The following CYP26B1 variants were observed in gnomAD, a reference collection of about 807,000 sequenced individuals.
CYP26B1 encodes the protein cytochrome P450 family 26 subfamily B member 1, also known as cytochrome P450 26B1.
A neutral mutation model predicts 39.1 loss-of-function variants in CYP26B1; 8 were observed. That is an observed-to-expected ratio of 0.20 (90% CI 0.12 to 0.37). The LOEUF is 0.37. Among genes scored for constraint, CYP26B1 ranks in the 10% least tolerant of loss-of-function variants. CYP26B1 has a pLI of 1.00. For synonymous variants in CYP26B1, 321 were observed against 314.3 expected (o/e 1.02, Z -0.23); for missense variants, 615 against 707.0 (o/e 0.87, Z 1.48).
rs532663733 is a variant in CYP26B1, at chr2:72,132,884, G to T, written c.1146+139C>A. On this transcript the variant is annotated intron_variant, in intron 5 of 5. Coordinates refer to ENST00000001146, the MANE Select transcript of CYP26B1 (RefSeq NM_019885.4). ...GCATTTGGGGCGCACTTCTCCCATC[G>T]GACTGAAAGCTCCCTGAAAGCAAGC... The T allele has an allele frequency of 3.5e-6, 5 of 1,443,058 alleles. No homozygotes were observed. In the Admixed American group the frequency reaches 9.9e-5, roughly 29 times the overall value. The allele number at this position is 1,443,058 out of a possible 1,614,324, so 89.4% of individuals were successfully genotyped here. A position where few individuals can be genotyped will look rare whatever the true frequency, so the allele number is the denominator to read the frequency against.
chr2:72,134,713 G>T, intron 4 of CYP26B1, 48 bp downstream of exon 4: 1 of 1,582,546 alleles, frequency 6.3e-7, no homozygotes, highest in South Asian at 1.1e-5. Flanking sequence ...AGCTCAGAAT[G>T]GAGCCTGGGT....
At chr2:72,138,276 C>A (rs548649431) in intron 2 of CYP26B1, among the ~76,000 whole-genome samples, 1 of 152,316 alleles carries the variant, frequency 6.6e-6, no homozygotes, top group East Asian at 1.9e-4. Flanking sequence ...AACACAGGCA[C>A]TTCCCAAAGC....
rs1193442473 is a variant in CYP26B1 at position 72,147,431 on chromosome 2, G to A, written c.204+200C>T. ...CCTCTTACCAGCCCCCTGAACCTGCGCCGCGGGCGCCAGTGGTCCCGGAAC... is the reference window on the plus strand; with the variant it reads ...CCTCTTACCAGCCCCCTGAACCTGCACCGCGGGCGCCAGTGGTCCCGGAAC... On this transcript the variant is annotated intron_variant, in intron 1 of 5. Transcript: ENST00000001146. This position sits in a 1 kb window ranked among gnomAD's most constrained non-coding sequence, Gnocchi z 6.1. Among the ~76,000 whole-genome samples, 2 of 152,200 alleles carry A rather than the reference G, an allele frequency of 1.3e-5. No homozygotes were observed. Among genetic ancestry groups the A allele is most frequent in the Admixed American group, 6.5e-5 (1 of 15,290 alleles).
rs143738797 is a variant in CYP26B1, at chr2:72,135,170, C to T, written c.679G>A (p.Asp227Asn). The T allele has an allele frequency of 4.8e-5, 78 of 1,613,814 alleles. No individual in the cohort carries two copies. Among genetic ancestry groups the T allele is most frequent in the African/African-American group, 1.5e-4 (11 of 74,916 alleles). Reference sequence around the variant, plus strand: ...CGCCGGTAGCCACTGAAGGGCAGGTCGACAGGCAGGGAGAAGACATTGTCC... The same window carrying T: ...CGCCGGTAGCCACTGAAGGGCAGGTTGACAGGCAGGGAGAAGACATTGTCC... Reference protein sequence around the residue: ...FVDNVFSLPVDLPFSGYRRGI... With the variant: ...FVDNVFSLPVNLPFSGYRRGI... The change falls in exon 3 of 6, where the codon GAC becomes AAC. Residue 227 changes from aspartate (D) to asparagine (N), a missense_variant. Physicochemically the swap from Asp to Asn is conservative, Grantham distance 23. Coordinates refer to ENST00000001146, the MANE Select transcript of CYP26B1 (RefSeq NM_019885.4).
intron 2 of CYP26B1, among the ~76,000 whole-genome samples, chr2:72,136,714 G>A (rs2104061140): frequency 6.6e-6 from 1 of 152,306 alleles, no homozygotes; most frequent in African/African-American, 2.4e-5. Context: ...GGGGTCCGAG[G>A]GAATTTCCAG....
At chr2:72,138,784 G>A (rs756624725) in intron 2 of CYP26B1, among the ~76,000 whole-genome samples, 1 of 152,144 alleles carries the variant, frequency 6.6e-6, no homozygotes, top group Non-Finnish European at 1.5e-5. Flanking sequence ...ATGGCCTTGG[G>A]CAACTCCCCT....
intron 2 of CYP26B1, among the ~76,000 whole-genome samples, chr2:72,136,330 G>A (rs556239740): frequency 2.2e-4 from 33 of 152,188 alleles, no homozygotes; most frequent in South Asian, 2.1e-3. Flanking sequence ...CACACGCGCC[G>A]CCCTCCCCTA....
intron 3 of CYP26B1, 56 bp from the exon 4 acceptor site, chr2:72,134,972 G>A (rs1012969340): frequency 1.9e-5 from 31 of 1,606,574 alleles, no homozygotes; most frequent in African/African-American, 1.2e-4. Context: ...TCTGAGCCTC[G>A]GGACCACCAG....
At chr2:72,141,839 C>T (rs1484372101) in intron 2 of CYP26B1, among the ~76,000 whole-genome samples, 1 of 152,186 alleles carries the variant, frequency 6.6e-6, no homozygotes, top group African/African-American at 2.4e-5. Flanking sequence ...GGGGAAGGAT[C>T]CTTTCATCTG....
chr2:72,132,679 C>T (rs1411702674), intron 5 of CYP26B1, 60 bp from the exon 6 acceptor site: 15 of 1,543,688 alleles, frequency 9.7e-6, no homozygotes, highest in African/African-American at 9.6e-5. Context: ...CACAGAGGGC[C>T]CAGGACTGCC....
At chr2:72,136,198 T>G (rs1676769917) in intron 2 of CYP26B1, among the ~76,000 whole-genome samples, 1 of 152,106 alleles carries the variant, frequency 6.6e-6, no homozygotes, top group Non-Finnish European at 1.5e-5. Context: ...AGCAGCAACG[T>G]CCATCCCACC....
intron 4 of CYP26B1, among the ~76,000 whole-genome samples, chr2:72,133,996 G>C (rs1676679870): frequency 6.6e-6 from 1 of 152,216 alleles, no homozygotes; most frequent in African/African-American, 2.4e-5. Context: ...TGGACTCTGG[G>C]CCCAGAGAGG....
At chr2:72,137,656 G>A (rs900854167) in intron 2 of CYP26B1, among the ~76,000 whole-genome samples, 8 of 152,234 alleles carry the variant, frequency 5.3e-5, no homozygotes, top group Non-Finnish European at 8.8e-5. Flanking sequence ...CTCTAGCGAT[G>A]GCTGGTTGAA....
chr2:72,146,496 C>T (rs1041385835), intron 1 of CYP26B1, among the ~76,000 whole-genome samples: 1 of 152,226 alleles, frequency 6.6e-6, no homozygotes, highest in Admixed American at 6.5e-5. Context: ...TCCCCGCCCC[C>T]GCTCCGCTGT....
At chr2:72,145,627 C>T (rs944136028) in intron 1 of CYP26B1, among the ~76,000 whole-genome samples, 1 of 152,244 alleles carries the variant, frequency 6.6e-6, no homozygotes, top group Non-Finnish European at 1.5e-5. Flanking sequence ...TCTTTCCTCT[C>T]CTTCTTTTCC....
At chr2:72,135,097 G>A in intron 3 of CYP26B1, 47 bp downstream of exon 3, 1 of 1,610,370 alleles carries the variant, frequency 6.2e-7, no homozygotes, top group Non-Finnish European at 8.5e-7. Flanking sequence ...CAGAGAGGGG[G>A]CTCATGGATG....
chr2:72,135,212 C>T lies in CYP26B1; in HGVS notation c.637G>A (p.Val213Ile), dbSNP rs1676730500. The T allele has an allele frequency of 1.2e-6, 2 of 1,613,948 alleles. No homozygotes were observed. Among genetic ancestry groups the T allele is most frequent in the Non-Finnish European group, 1.7e-6 (2 of 1,180,024 alleles). ...ACATTGTCCACAAACTGCTGGTAGACCTCAAAGAGGTGCCCAAGGTCCTCC... is the reference window on the plus strand; with the variant it reads ...ACATTGTCCACAAACTGCTGGTAGATCTCAAAGAGGTGCCCAAGGTCCTCC... ...PEEDLGHLFE[V>I]YQQFVDNVFS... Residue 213 changes from valine to isoleucine, a missense_variant, in exon 3 of 6, where the codon GTC (valine) becomes ATC (isoleucine). Val to Ile is a conservative substitution (Grantham distance 29, BLOSUM62 3). Transcript: ENST00000001146.
At position 72,135,308 on chromosome 2, in the gene CYP26B1, C is replaced by T. The variant is rs142999899; in HGVS notation, c.541G>A (p.Val181Met). ...GTCAGCTTCTGCGCCTCCTGGTACA[C>T]GTTGATGGCCTCGGGGTGGCTGCTC... ...AWSSHPEAIN[V>M]YQEAQKLTFR... The change falls in exon 3 of 6, where the codon GTG becomes ATG. Residue 181 changes from valine (V) to methionine (M), a missense_variant. Transcript: ENST00000001146. 5.3e-5 allele frequency: 85 copies of T among 1,614,078 alleles called. No homozygotes were observed. In the African/African-American group the frequency reaches 7.2e-4, roughly 14 times the overall value.
At chr2:72,135,946 G>C (rs1237800936) in intron 2 of CYP26B1, among the ~76,000 whole-genome samples, 1 of 152,154 alleles carries the variant, frequency 6.6e-6, no homozygotes, top group African/African-American at 2.4e-5. Flanking sequence ...GGGGGCAATG[G>C]CTTTCCACCC....
Sources: gnomAD v4.1 joint callset for allele counts (sites outside exome capture counted in the v4.1 genomes callset) on GRCh38, gnomAD v4.1.1 for gene constraint, Gnocchi (gnomAD v3.1) non-coding constraint, MANE v1.5 for transcripts, NCBI Gene and HGNC (gene_info 2026-07-23, HGNC 2026-07-21) for gene names.